The following POLA2 variants were observed in gnomAD, a reference collection of about 807,000 sequenced individuals.
The protein encoded by POLA2 is DNA polymerase alpha 2, accessory subunit.
Under a neutral mutation model 82.8 loss-of-function variants are expected in POLA2, and 47 were observed. That is an observed-to-expected ratio of 0.57 (90% CI 0.45 to 0.72). The LOEUF is 0.72. POLA2 is among the 30% of genes least tolerant of loss of function. The probability of loss-of-function intolerance (pLI) is 0.00; values close to 1 mark genes in which losing one functional copy is unlikely to be tolerated. For missense variants in POLA2, 634 were observed against 728.1 expected, an observed-to-expected ratio of 0.87 and a Z score of 1.49; for synonymous variants, 287 against 286.8, an observed-to-expected ratio of 1.00 and a Z score of -0.01.
chr11:65,266,670 C>T lies in POLA2; in HGVS notation c.168C>T (p.Gly56=). ...TCTGCACCAGCACACATAAAGTTGG[C>T]CTTACCTCAGAGATCCTGAACTCTT... ...IAFCTSTHKV[G]LTSEILNSFE... is the part of the protein sequence containing the mutation. The change falls in exon 2 of 18, where the codon GGC becomes GGT. Residue 56 remains glycine, a synonymous_variant. Transcript: ENST00000265465. 1.9e-6 allele frequency: 3 copies of T among 1,614,084 alleles called. No homozygotes were observed. The highest frequency in any genetic ancestry group is 2.5e-6 in the Non-Finnish European group (3 of 1,179,962).
intron 2 of POLA2, 70 bp downstream of exon 2, chr11:65,266,776 T>A: frequency 3.2e-6 from 5 of 1,546,018 alleles, no homozygotes; most frequent in Non-Finnish European, 4.5e-6. Flanking sequence ...GGCATTGTGA[T>A]ATATTGAGAG....
chr11:65,273,007 A>C (rs184670093), intron 4 of POLA2, among the ~76,000 whole-genome samples: 44 of 147,446 alleles, frequency 3.0e-4, no homozygotes, highest in Admixed American at 2.9e-3. Context: ...GCAAAACTCC[A>C]TCTCAAAAAA....
chr11:65,294,089 CA>C, intron 13 of POLA2, 63 bp from the exon 14 acceptor site: 1 of 1,399,308 alleles, frequency 7.1e-7, no homozygotes, highest in African/African-American at 1.5e-5. Flanking sequence ...ACCTGTTGCG[CA>C]GCTGTTCTAA....
At position 65,274,038 on chromosome 11, in the gene POLA2, A is replaced by C. The variant is rs7951774; in HGVS notation, c.355-1854A>C. On this transcript the variant is annotated intron_variant, in intron 4 of 17. Transcript: ENST00000265465. ...CCAGCAATAGAGAAGTAATTATGTA[A>C]ATCATTGTAGGTCAGTTTAATTAAA... Among the ~76,000 whole-genome samples the C allele has an allele frequency of 6.6e-3, 1,009 of 152,302 alleles. 11 individuals are homozygous for C. The highest frequency in any genetic ancestry group is 0.019 in the South Asian group (90 of 4,828).
chr11:65,267,463 C>T lies in POLA2; in HGVS notation c.205-14C>T, dbSNP rs763270327. 1.7e-5 allele frequency: 26 copies of T among 1,574,234 alleles called. No homozygotes were observed. In the East Asian group the frequency reaches 5.6e-4, roughly 34 times the overall value. On this transcript the variant is annotated splice_polypyrimidine_tract_variant and intron_variant, in intron 2 of 17. Coordinates refer to ENST00000265465, the MANE Select transcript of POLA2 (RefSeq NM_002689.4). ...GACTATGAAGTACTGTATTCACTAT[C>T]TTTTCTTTTTCAGTTTCTGAGCAAA...
rs1949818350 is a variant in POLA2 at position 65,297,087 on chromosome 11, C to T, written c.1648-33C>T. On this transcript the variant is annotated intron_variant, in intron 17 of 17. Transcript: ENST00000265465. ...CATTGGTTCCCAGTTAGTTGAGGCT[C>T]TCCAAACCTGTCACCTCTCCTCTCC... 4 of 1,612,840 alleles carry T rather than the reference C, an allele frequency of 2.5e-6. No individual in the cohort carries two copies. The South Asian group carries it at 3.3e-5, about 13-fold the overall frequency.
downstream of POLA2, among the ~76,000 whole-genome samples, chr11:65,298,898 G>A (rs564210681): frequency 3.9e-4 from 59 of 152,308 alleles, no homozygotes; most frequent in South Asian, 8.9e-3. Context: ...GATACCAGTC[G>A]TGTGACTGTT....
At chr11:65,288,399 C>G (rs7107815) in intron 11 of POLA2, among the ~76,000 whole-genome samples, 2,409 of 152,118 alleles carry the variant, frequency 0.016, 68 homozygotes, top group African/African-American at 0.055. Flanking sequence ...AACTTCTGAA[C>G]TAATCTCTTT....
At position 65,289,057 on chromosome 11, in the gene POLA2, C is replaced by CT; in HGVS notation, c.1142dup (p.Leu382ProfsTer4). 1 of 1,613,110 alleles carries CT rather than the reference C, an allele frequency of 6.2e-7. No individual in the cohort carries two copies. Among genetic ancestry groups the CT allele is most frequent in the Non-Finnish European group, 8.5e-7 (1 of 1,179,470 alleles). On this transcript the variant is annotated frameshift_variant, in exon 12 of 18. Transcript: ENST00000265465. LOFTEE classifies it high-confidence loss of function. Reference sequence around the variant, plus strand: ...TTGTTTCTCCCCTTGCAGTTTGGCCCTTTCCTGGATGCTAAGCATGAACAG... The same window carrying CT: ...TTGTTTCTCCCCTTGCAGTTTGGCCCTTTTCCTGGATGCTAAGCATGAACAG...
At chr11:65,276,037 C>A in intron 5 of POLA2, 39 bp downstream of exon 5, 2 of 1,145,434 alleles carry the variant, frequency 1.7e-6, no homozygotes, top group Non-Finnish European at 2.5e-6. Flanking sequence ...TAAAGCTGGC[C>A]TCCCCTCCCC....
Position 65,262,004 on chromosome 11 carries a change from G to A in POLA2, c.-289G>A. 2.1e-6 allele frequency: 1 copy of A among 481,240 alleles called. No individual in the cohort carries two copies. Among genetic ancestry groups the A allele is most frequent in the Non-Finnish European group, 3.7e-6 (1 of 271,382 alleles). 29.8% of individuals were successfully genotyped at this position (481,240 alleles called of 1,614,324 possible). A position where few individuals can be genotyped will look rare whatever the true frequency, so the allele number is the denominator to read the frequency against. The stretch of plus-strand genomic sequence containing the variant: ...TGAGAAGCTCAGCGGTAGCTTTTGG[G>A]AAGCAGGACGTTCTCACCAGGAGAG... On this transcript the variant is annotated 5_prime_UTR_variant, in exon 1 of 18. Coordinates refer to ENST00000265465, the MANE Select transcript of POLA2 (RefSeq NM_002689.4).
chr11:65,298,879 G>A (rs1949840999), downstream of POLA2, among the ~76,000 whole-genome samples: 7 of 152,216 alleles, frequency 4.6e-5, no homozygotes, highest in South Asian at 1.2e-3. Flanking sequence ...CCCAGGCAAT[G>A]GTTGCCTGGA....
chr11:65,299,719 TCTCA>T (rs1949848948), downstream of POLA2, among the ~76,000 whole-genome samples: 3 of 152,070 alleles, frequency 2.0e-5, no homozygotes, highest in Non-Finnish European at 2.9e-5. Flanking sequence ...CCCGACAGAG[TCTCA>T]CTCTGTCGTC....
In POLA2 at chr11:65,263,695, C is replaced by T. The variant is rs576806859; in HGVS notation, c.79+1324C>T. Among the ~76,000 whole-genome samples the T allele has an allele frequency of 3.9e-5, 6 of 151,990 alleles. No homozygotes were observed. In the East Asian group the frequency reaches 9.8e-4, roughly 25 times the overall value. On this transcript the variant is annotated intron_variant, in intron 1 of 17. Transcript: ENST00000265465. ...ATACAAAATTAGTCGGGCGTGGTGG[C>T]GCATGCCTGTAATCCCAGCTACTCA...
At chr11:65,267,039 C>T (rs978642838) in intron 2 of POLA2, among the ~76,000 whole-genome samples, 9 of 152,186 alleles carry the variant, frequency 5.9e-5, no homozygotes, top group African/African-American at 1.7e-4. Flanking sequence ...AACCCTGTCT[C>T]TACTAAAAAT....
At chr11:65,302,281 C>T (rs992844557), downstream of POLA2, among the ~76,000 whole-genome samples, 13 of 152,200 alleles carry the variant, frequency 8.5e-5, no homozygotes, top group African/African-American at 3.1e-4. Flanking sequence ...AGGCCCCACC[C>T]AAAGAGTGAG....
chr11:65,285,401 C>CAA (rs71270579), intron 10 of POLA2, among the ~76,000 whole-genome samples: 2 of 142,838 alleles, frequency 1.4e-5, no homozygotes, highest in African/African-American at 5.1e-5. Flanking sequence ...GACTCTGTCT[C>CAA]AAAAAAAAAA....
At chr11:65,303,342 C>CAA (rs917292541), downstream of POLA2, among the ~76,000 whole-genome samples, 160 of 51,574 alleles carry the variant, frequency 3.1e-3, 2 homozygotes, top group South Asian at 9.2e-3. Flanking sequence ...ACTCTGTCTC[C>CAA]AAAAAAAAAA....
At position 65,297,239 on chromosome 11, in the gene POLA2, A is replaced by G. The variant is rs746363681; in HGVS notation, c.1767A>G (p.Pro589=). ...CGGACGGGGCAGAGAGGCAGAGCCC[A>G]TGCATTGCTGTGCAGGTCGTCAGGA... ...PAADGAERQS[P]CIAVQVVRI is the part of the protein sequence containing the mutation. The change falls in exon 18 of 18, where the codon CCA becomes CCG. Residue 589 remains proline, a synonymous_variant. Transcript: ENST00000265465. 6 of 1,612,812 alleles carry G rather than the reference A, an allele frequency of 3.7e-6. No individual in the cohort carries two copies. The highest frequency in any genetic ancestry group is 2.2e-5 in the East Asian group (1 of 44,874).
Sources: allele counts gnomAD v4.1 joint callset (sites outside exome capture counted in the v4.1 genomes callset), GRCh38; gene constraint gnomAD v4.1.1; transcripts MANE v1.5; gene names NCBI Gene and HGNC (gene_info 2026-07-23, HGNC 2026-07-21).